The following ADGRL3 variants were observed in gnomAD, a reference collection of about 807,000 sequenced individuals.
The protein encoded by ADGRL3 is calcium-independent alpha-latrotoxin receptor 3.
Under a neutral mutation model 153.5 loss-of-function variants are expected in ADGRL3, and 62 were observed. That is an observed-to-expected ratio of 0.40 (90% CI 0.33 to 0.50). The LOEUF (loss-of-function observed/expected upper bound fraction) is 0.50. ADGRL3 is among the 20% of genes least tolerant of loss of function. ADGRL3 has a pLI of 0.47. For missense variants in ADGRL3, 1,641 were observed against 1,859.4 expected, an observed-to-expected ratio of 0.88 and a Z score of 2.16; for synonymous variants, 710 against 672.5, an observed-to-expected ratio of 1.06 and a Z score of -0.86.
At chr4:61,813,738 C>A in intron 8 of ADGRL3, 71 bp from the exon 9 acceptor site, 2 of 1,564,448 alleles carry the variant, frequency 1.3e-6, no homozygotes, top group Non-Finnish European at 1.7e-6. Flanking sequence ...AGTGTTATAT[C>A]ATAAAAACAA....
intron 1 of ADGRL3, among the ~76,000 whole-genome samples, chr4:61,329,480 A>G (rs2095528129): frequency 6.6e-6 from 1 of 152,080 alleles, no homozygotes; most frequent in African/African-American, 2.4e-5. Context: ...TTATTTTTAA[A>G]TGTAGAAATT....
chr4:61,796,521 A>T (rs375996883), intron 8 of ADGRL3, among the ~76,000 whole-genome samples: 3 of 152,122 alleles, frequency 2.0e-5, no homozygotes, highest in African/African-American at 7.2e-5. Context: ...TTCTGAGGGG[A>T]TAGGGTTGGA....
chr4:61,959,836 G>A (rs78554301), intron 17 of ADGRL3, among the ~76,000 whole-genome samples: 1 of 151,952 alleles, frequency 6.6e-6, no homozygotes, highest in Non-Finnish European at 1.5e-5. Context: ...GATGCTAAAG[G>A]TTGCACAATC....
At chr4:61,305,859 T>C (rs557536700) in intron 1 of ADGRL3, among the ~76,000 whole-genome samples, 5 of 152,204 alleles carry the variant, frequency 3.3e-5, no homozygotes, top group African/African-American at 1.2e-4. Context: ...TGGAGGAATA[T>C]TCATGTCTTC....
intron 13 of ADGRL3, among the ~76,000 whole-genome samples, chr4:61,925,523 AC>A (rs1436754774): frequency 6.6e-6 from 1 of 152,212 alleles, no homozygotes; most frequent in Non-Finnish European, 1.5e-5. Context: ...TGCAGGCTCT[AC>A]AAGCATGGCA....
intron 3 of ADGRL3, among the ~76,000 whole-genome samples, chr4:61,500,408 A>G (rs1337042562): frequency 1.3e-5 from 2 of 152,168 alleles, no homozygotes; most frequent in Non-Finnish European, 2.9e-5. Flanking sequence ...TTGGAACCTA[A>G]CTTGCTCATA....
At chr4:61,403,516 C>A (rs1426137572) in intron 2 of ADGRL3, among the ~76,000 whole-genome samples, 1 of 152,044 alleles carries the variant, frequency 6.6e-6, no homozygotes, top group Admixed American at 6.6e-5. Flanking sequence ...CTTGAAGCCC[C>A]GTGCTCCTTC....
At chr4:61,311,393 A>C (rs958437480) in intron 1 of ADGRL3, among the ~76,000 whole-genome samples, 3 of 152,210 alleles carry the variant, frequency 2.0e-5, no homozygotes, top group African/African-American at 7.2e-5. Context: ...CTCACATTTT[A>C]TAAGCCAAAA....
At chr4:61,221,772 T>G (rs2149032241) in intron 1 of ADGRL3, among the ~76,000 whole-genome samples, 1 of 152,250 alleles carries the variant, frequency 6.6e-6, no homozygotes, top group East Asian at 1.9e-4. Flanking sequence ...TTGGATAATT[T>G]TGTGCAATTG....
chr4:61,303,356 AC>A (rs1301849425), intron 1 of ADGRL3, among the ~76,000 whole-genome samples: 1 of 152,260 alleles, frequency 6.6e-6, no homozygotes, highest in African/African-American at 2.4e-5. Context: ...AAGATTGATG[AC>A]TTAGTGCATG....
At chr4:61,496,647 AAAAG>A (rs1325498726) in intron 2 of ADGRL3, among the ~76,000 whole-genome samples, 1 of 148,470 alleles carries the variant, frequency 6.7e-6, no homozygotes, top group East Asian at 2.0e-4. Flanking sequence ...CATTTCAAAA[AAAAG>A]AAAGAAAAGG....
chr4:61,665,741 A>G (rs956173813), intron 5 of ADGRL3, among the ~76,000 whole-genome samples: 5 of 152,164 alleles, frequency 3.3e-5, no homozygotes, highest in Admixed American at 6.5e-5. Context: ...TCACATTTCT[A>G]TTTATTGCTT....
At chr4:61,474,415 T>C (rs1490974048) in intron 2 of ADGRL3, among the ~76,000 whole-genome samples, 3 of 152,124 alleles carry the variant, frequency 2.0e-5, no homozygotes, top group Non-Finnish European at 2.9e-5. Flanking sequence ...AACAAAAAAG[T>C]CTCACTGTTG....
At chr4:61,226,587 A>G (rs182301215) in intron 1 of ADGRL3, among the ~76,000 whole-genome samples, 60 of 152,292 alleles carry the variant, frequency 3.9e-4, no homozygotes, top group Admixed American at 2.0e-3. Flanking sequence ...TAGGTGAAAT[A>G]CAAAGGTCAG....
In ADGRL3 at chr4:61,847,726, T is replaced by TTATATATATAATATAAAA. The variant is rs1561351036; in HGVS notation, c.1480+33850_1480+33851insTAAAATATATATATAATA. On this transcript the variant is annotated intron_variant, in intron 9 of 26. Transcript: ENST00000683033. Reference sequence around the variant, plus strand: ...TATTATATATATAATATAAAATATATTATATATATAATACAAAATATATTA... The same window carrying TTATATATATAATATAAAA: ...TATTATATATATAATATAAAATATATTATATATATAATATAAAATATATATATAATACAAAATATATTA... 1.9e-3 allele frequency among the ~76,000 whole-genome samples: 52 copies of TTATATATATAATATAAAA among 26,690 alleles called. 15 individuals are homozygous for TTATATATATAATATAAAA. The highest frequency in any genetic ancestry group is 3.3e-3 in the Non-Finnish European group (41 of 12,460). 17.5% of individuals were successfully genotyped at this position (26,690 alleles called of 152,430 possible).
At chr4:61,646,412 G>T (rs538762474) in intron 5 of ADGRL3, among the ~76,000 whole-genome samples, 138 of 151,952 alleles carry the variant, frequency 9.1e-4, no homozygotes, top group Non-Finnish European at 1.7e-3. Context: ...CCATCTTTGT[G>T]GTTTTATCTA....
chr4:62,004,865 G>A (rs1055194649), intron 21 of ADGRL3, among the ~76,000 whole-genome samples: 2 of 152,004 alleles, frequency 1.3e-5, no homozygotes, highest in Non-Finnish European at 2.9e-5. Flanking sequence ...TTCTGAAAGT[G>A]AATTTAATTT....
At chr4:61,881,279 A>G (rs544957033) in intron 9 of ADGRL3, among the ~76,000 whole-genome samples, 3 of 152,386 alleles carry the variant, frequency 2.0e-5, no homozygotes, top group Admixed American at 6.5e-5. Context: ...CAAAGTTACC[A>G]GAATTGCATT....
At chr4:61,909,824 A>G in intron 12 of ADGRL3, 79 bp downstream of exon 12, 2 of 1,140,650 alleles carry the variant, frequency 1.8e-6, no homozygotes, top group Non-Finnish European at 2.4e-6. Context: ...TAATAAAATC[A>G]GAAAGACTTC....
Sources: allele counts gnomAD v4.1 joint callset (sites outside exome capture counted in the v4.1 genomes callset), GRCh38; gene constraint gnomAD v4.1.1; transcripts MANE v1.5; gene names NCBI Gene and HGNC (gene_info 2026-07-23, HGNC 2026-07-21).